MAP4: variants seen among roughly 807,000 people sequenced by gnomAD.
MAP4 encodes microtubule-associated protein 4.
In MAP4, 76 loss-of-function variants were observed where a neutral mutation model predicts 170.2. The observed-to-expected ratio is 0.45, with a 90% CI of 0.37 to 0.54. The LOEUF (loss-of-function observed/expected upper bound fraction) is 0.54. Ranked by LOEUF, MAP4 falls within the 20% of genes least tolerant of loss-of-function variation. The pLI is 0.00. For missense variants in MAP4, 2,506 were observed against 2,748.0 expected (o/e 0.91, Z 1.97); for synonymous variants, 909 against 994.5 (o/e 0.91, Z 1.62).
chr3:47,936,131 AAGG>A (rs768594839), intron 3 of MAP4, among the ~76,000 whole-genome samples: 14 of 151,458 alleles, frequency 9.2e-5, no homozygotes, highest in African/African-American at 1.5e-4. Context: ...AGAGACAAAG[AAGG>A]AGAAGAAGGA....
Position 47,907,281 on chromosome 3 carries a change from T to C in MAP4, c.5383+1757A>G, listed in dbSNP as rs144202097. Among the ~76,000 whole-genome samples, 6 of 152,330 alleles carry C rather than the reference T, an allele frequency of 3.9e-5. 1 individual carries two copies. The highest frequency in any genetic ancestry group is 1.4e-4 in the African/African-American group (6 of 41,594). ...TATACATAAATTGTCTGGAAGGATA[T>C]ATAAGCTATTGTGAACACTGGTTGC... On this transcript the variant is annotated intron_variant, in intron 9 of 20. Coordinates refer to ENST00000683076, the MANE Select transcript of MAP4 (RefSeq NM_001385682.1).
At chr3:47,950,258 C>A (rs897323713) in intron 3 of MAP4, among the ~76,000 whole-genome samples, 2 of 152,314 alleles carry the variant, frequency 1.3e-5, no homozygotes, top group Admixed American at 1.3e-4. Flanking sequence ...TGTTAACTTT[C>A]CCTTGTTCAA....
At chr3:47,921,495 A>G (rs771124878) in intron 5 of MAP4, among the ~76,000 whole-genome samples, 2 of 152,270 alleles carry the variant, frequency 1.3e-5, no homozygotes, top group East Asian at 3.9e-4. Context: ...GAGACTCAAA[A>G]GTCTTTTCCT....
intron 1 of MAP4, among the ~76,000 whole-genome samples, chr3:48,005,664 C>G (rs1383891781): frequency 6.6e-6 from 1 of 152,170 alleles, no homozygotes; most frequent in African/African-American, 2.4e-5. Flanking sequence ...CATCCAAAAG[C>G]TTAGGGAGAT....
At chr3:48,031,616 C>T (rs182066443) in intron 1 of MAP4, among the ~76,000 whole-genome samples, 9 of 151,668 alleles carry the variant, frequency 5.9e-5, no homozygotes, top group African/African-American at 1.9e-4. Context: ...TCCCAACTAC[C>T]CGGGAGGCTG....
chr3:48,010,960 C>T (rs968225269), intron 1 of MAP4, among the ~76,000 whole-genome samples: 8 of 152,178 alleles, frequency 5.3e-5, no homozygotes, highest in Middle Eastern at 3.4e-3. Flanking sequence ...CTTGTGATCA[C>T]GTAAATCAAT....
rs1175556150 is a variant in MAP4, at chr3:48,056,541, G to A, written c.-20+32232C>T. On this transcript the variant is annotated intron_variant, in intron 1 of 18. Transcript: ENST00000360240. The stretch of plus-strand genomic sequence containing the variant: ...CCGCCCCGTCTGGGAGGTGAGGGGC[G>A]CCTCTGCCCGGCCGCCCCTACTGGG... Among the ~76,000 whole-genome samples the A allele has an allele frequency of 1.4e-4, 12 of 88,178 alleles. 1 individual carries two copies. In the East Asian group the frequency reaches 4.5e-3, roughly 33 times the overall value. The allele number at this position is 88,178 out of a possible 152,430, so 57.8% of individuals were successfully genotyped here. A position where few individuals can be genotyped will look rare whatever the true frequency, so the allele number is the denominator to read the frequency against.
chr3:47,928,257 G>A lies in MAP4; in HGVS notation c.386C>T (p.Pro129Leu). Residue 129 changes from proline (P) to leucine (L), a missense_variant, in exon 4 of 21, where the codon CCT (proline) becomes CTT (leucine). Around this residue, in one of 3 missense-constraint regions of MAP4, gnomAD observed 2,008 missense variants for 2,206.0 expected, o/e 0.91. Coordinates refer to ENST00000683076, the MANE Select transcript of MAP4 (RefSeq NM_001385682.1). ...CTGGATAGGATCGACCACTTGCTCA[G>A]GTTGGAAACAAAAGTTGGTATCTTC... ...WPEDTNFCFQ[P>L]EQVVDPIQTD... 1 of 1,614,158 alleles carries A rather than the reference G, an allele frequency of 6.2e-7. No homozygotes were observed. Among genetic ancestry groups the A allele is most frequent in the Non-Finnish European group, 8.5e-7 (1 of 1,180,004 alleles).
chr3:47,992,001 C>T (rs1335866636), intron 2 of MAP4, among the ~76,000 whole-genome samples: 1 of 151,558 alleles, frequency 6.6e-6, no homozygotes, highest in Non-Finnish European at 1.5e-5. Flanking sequence ...AAAAAAGTGT[C>T]AGCAATCAGC....
chr3:47,892,574 A>C, intron 10 of MAP4: 1 of 1,439,608 alleles, frequency 6.9e-7, no homozygotes. Context: ...CAGTGACATC[A>C]CACCAATTCC....
intron 3 of MAP4, among the ~76,000 whole-genome samples, chr3:47,971,787 T>TGC (rs2100078917): frequency 6.6e-6 from 1 of 152,250 alleles, no homozygotes; most frequent in Non-Finnish European, 1.5e-5. Flanking sequence ...TAACATTCTG[T>TGC]GCCTGCTGGA....
chr3:47,873,619 G>A (rs931672883), intron 12 of MAP4, among the ~76,000 whole-genome samples: 1 of 152,242 alleles, frequency 6.6e-6, no homozygotes, highest in Non-Finnish European at 1.5e-5. Flanking sequence ...GCTAAGGCTG[G>A]AATCAGGGAA....
intron 1 of MAP4, among the ~76,000 whole-genome samples, chr3:48,054,069 C>T (rs1017079174): frequency 1.3e-5 from 2 of 151,450 alleles, no homozygotes; most frequent in African/African-American, 2.4e-5. Flanking sequence ...TTTGGAAGGC[C>T]GAGGCAGGCA....
chr3:47,968,064 C>T (rs956735323), intron 3 of MAP4, among the ~76,000 whole-genome samples: 1 of 152,128 alleles, frequency 6.6e-6, no homozygotes, highest in Non-Finnish European at 1.5e-5. Flanking sequence ...TATCCACAAC[C>T]GTAGCATTTT....
intron 1 of MAP4, among the ~76,000 whole-genome samples, chr3:48,042,886 C>G (rs1329667382): frequency 6.6e-6 from 1 of 152,128 alleles, no homozygotes; most frequent in East Asian, 1.9e-4. Flanking sequence ...CAAAAGACCA[C>G]CTACTATATT....
intron 1 of MAP4, among the ~76,000 whole-genome samples, chr3:48,002,787 G>C (rs966029082): frequency 2.7e-5 from 4 of 148,698 alleles, no homozygotes; most frequent in Non-Finnish European, 5.9e-5. Context: ...TGAGGCATGA[G>C]AATCACTGGA....
intron 10 of MAP4, among the ~76,000 whole-genome samples, chr3:47,894,940 T>G (rs969030220): frequency 1.3e-5 from 2 of 150,546 alleles, no homozygotes. Flanking sequence ...GTGGGAGAAT[T>G]GCCTGAGCCC....
intron 1 of MAP4, among the ~76,000 whole-genome samples, chr3:48,032,448 G>A (rs185339387): frequency 7.3e-5 from 11 of 151,466 alleles, no homozygotes; most frequent in Admixed American, 7.2e-4. Context: ...GTTGCAGTTA[G>A]CCCAAGATCG....
chr3:48,021,241 T>A (rs1411578848), upstream of MAP4, among the ~76,000 whole-genome samples: 1 of 152,236 alleles, frequency 6.6e-6, no homozygotes, highest in African/African-American at 2.4e-5. Context: ...AGTGATTTAC[T>A]AAGGGAGTGC....
Sources: allele counts gnomAD v4.1 joint callset (sites outside exome capture counted in the v4.1 genomes callset), GRCh38; gene constraint gnomAD v4.1.1; regional missense constraint gnomAD v4.1.1; transcripts MANE v1.5; gene names NCBI Gene and HGNC (gene_info 2026-07-23, HGNC 2026-07-21).